MATCAP2: variants seen among roughly 807,000 people sequenced by gnomAD.
The protein encoded by MATCAP2 is putative tyrosine carboxypeptidase MATCAP2.
At chr7:36,360,957 A>T in the MATCAP2 span, among the ~76,000 whole-genome samples, 1 of 152,244 alleles carries the variant, frequency 6.6e-6, no homozygotes, top group African/African-American at 2.4e-5. Context: ...TGTAAAACTT[A>T]GCTATAAGCA....
the MATCAP2 span, chr7:36,334,269 G>T: frequency 3.3e-6 from 3 of 901,906 alleles, no homozygotes; most frequent in East Asian, 5.1e-5. Context: ...AGGCGCGGTG[G>T]CTCATGCCTG....
At chr7:36,331,942 T>C in the MATCAP2 span, among the ~76,000 whole-genome samples, 1 of 152,194 alleles carries the variant, frequency 6.6e-6, no homozygotes, top group Non-Finnish European at 1.5e-5. Flanking sequence ...GAAATATTTA[T>C]GGGTAAAAGG....
At chr7:36,366,205 G>A in the MATCAP2 span, among the ~76,000 whole-genome samples, 1 of 152,088 alleles carries the variant, frequency 6.6e-6, no homozygotes, top group East Asian at 1.9e-4. Flanking sequence ...AAATGTTTGC[G>A]TACAGAATCA....
chr7:36,381,810 A>G, the MATCAP2 span, among the ~76,000 whole-genome samples: 3 of 152,182 alleles, frequency 2.0e-5, no homozygotes, highest in Non-Finnish European at 1.5e-5. Context: ...TCTGAGAAGC[A>G]GGAAAGAGGA....
chr7:36,389,482 C>T, the MATCAP2 span, among the ~76,000 whole-genome samples: 1 of 152,200 alleles, frequency 6.6e-6, no homozygotes, highest in Non-Finnish European at 1.5e-5. Flanking sequence ...CCAGCCTCAG[C>T]CTCCCCAAAT....
At chr7:36,382,242 G>A in the MATCAP2 span, among the ~76,000 whole-genome samples, 20 of 147,396 alleles carry the variant, frequency 1.4e-4, no homozygotes, top group Non-Finnish European at 2.2e-4. Context: ...GGAAGGCGGA[G>A]GTTGCAGTGA....
At chr7:36,362,048 T>C in the MATCAP2 span, among the ~76,000 whole-genome samples, 1 of 152,236 alleles carries the variant, frequency 6.6e-6, no homozygotes, top group African/African-American at 2.4e-5. Context: ...GTGCTGGAAA[T>C]GTTCGCTATC....
At chr7:36,390,174 C>G in the MATCAP2 span, 9 of 1,518,192 alleles carry the variant, frequency 5.9e-6, no homozygotes, top group African/African-American at 1.1e-4. Context: ...GCAGTGTGTG[C>G]GGGCCGGGGT....
the MATCAP2 span, among the ~76,000 whole-genome samples, chr7:36,344,530 TA>T: frequency 6.6e-6 from 1 of 152,214 alleles, no homozygotes; most frequent in Non-Finnish European, 1.5e-5. Context: ...ATACTGAATA[TA>T]AACTACTTTT....
At chr7:36,330,266 T>A in the MATCAP2 span, among the ~76,000 whole-genome samples, 5 of 151,922 alleles carry the variant, frequency 3.3e-5, no homozygotes, top group East Asian at 9.7e-4. Flanking sequence ...TAAAATTTTT[T>A]ATAAAGACAG....
chr7:36,331,346 T>G, the MATCAP2 span, among the ~76,000 whole-genome samples: 1 of 152,278 alleles, frequency 6.6e-6, no homozygotes, highest in Admixed American at 6.5e-5. Flanking sequence ...TTCCTCACTA[T>G]AGAGACTGGT....
At chr7:36,369,340 G>T in the MATCAP2 span, among the ~76,000 whole-genome samples, 1 of 152,228 alleles carries the variant, frequency 6.6e-6, no homozygotes, top group Non-Finnish European at 1.5e-5. Flanking sequence ...TGTAAGAGTA[G>T]TAATTCTTGC....
the MATCAP2 span, chr7:36,324,955 G>A: frequency 2.0e-5 from 3 of 152,348 alleles, no homozygotes. Flanking sequence ...AGTAAGATTA[G>A]CAGTGCTATT....
the MATCAP2 span, among the ~76,000 whole-genome samples, chr7:36,380,276 A>G: frequency 6.6e-6 from 1 of 152,186 alleles, no homozygotes; most frequent in African/African-American, 2.4e-5. Flanking sequence ...AACACTAAGC[A>G]AAGTGGGTGG....
At chr7:36,373,297 C>T in the MATCAP2 span, among the ~76,000 whole-genome samples, 1 of 151,992 alleles carries the variant, frequency 6.6e-6, no homozygotes, top group East Asian at 1.9e-4. Flanking sequence ...CTATGAAGCA[C>T]GGCAAATCGG....
the MATCAP2 span, among the ~76,000 whole-genome samples, chr7:36,384,953 T>C: frequency 4.5e-3 from 690 of 152,078 alleles, 7 homozygotes; most frequent in Non-Finnish European, 7.9e-3. Context: ...CATGGCCTTG[T>C]AGGTATGATA....
chr7:36,367,224 G>A, the MATCAP2 span: 2 of 1,144,272 alleles, frequency 1.7e-6, no homozygotes, highest in Non-Finnish European at 2.1e-6. Context: ...TAGCCGCTCC[G>A]CCGGTTGCTA....
At chr7:36,373,337 A>G in the MATCAP2 span, among the ~76,000 whole-genome samples, 1 of 152,192 alleles carries the variant, frequency 6.6e-6, no homozygotes, top group African/African-American at 2.4e-5. Context: ...GGTAACTTGG[A>G]GTGATCAGGA....
chr7:36,360,319 G>A, the MATCAP2 span, among the ~76,000 whole-genome samples: 3 of 151,936 alleles, frequency 2.0e-5, no homozygotes, highest in Non-Finnish European at 2.9e-5. Flanking sequence ...AAAAAAAAAC[G>A]TCCTAAACCA....
Sources: gnomAD v4.1 joint callset for allele counts (sites outside exome capture counted in the v4.1 genomes callset) on GRCh38, gnomAD v4.1.1 for gene constraint, MANE v1.5 for transcripts, NCBI Gene and HGNC (gene_info 2026-07-23, HGNC 2026-07-21) for gene names.